The following PHRF1 variants were observed in gnomAD, a reference collection of about 807,000 sequenced individuals.
PHRF1 encodes the protein PHD and ring finger domains 1, also known as PHD and RING finger domain-containing protein 1.
PHRF1 carries 53 observed loss-of-function variants against 128.9 expected under a neutral mutation model. The observed-to-expected ratio is 0.41, with a 90% confidence interval of 0.33 to 0.52. The LOEUF (loss-of-function observed/expected upper bound fraction) is 0.52, where lower values mean the gene tolerates loss of function less well. Among genes scored for constraint, PHRF1 ranks in the 20% least tolerant of loss-of-function variants. The probability of loss-of-function intolerance (pLI) is 0.21; values close to 1 mark genes in which losing one functional copy is unlikely to be tolerated. For synonymous variants in PHRF1, 1,178 were observed against 980.6 expected (o/e 1.20, Z -3.76); for missense variants, 2,503 against 2,284.5 (o/e 1.10, Z -1.95).
chr11:603,265 A>C (rs1322420640), intron 10 of PHRF1, among the ~76,000 whole-genome samples: 1 of 152,100 alleles, frequency 6.6e-6, no homozygotes, highest in African/African-American at 2.4e-5. Flanking sequence ...CATGTTGCCC[A>C]GGCTGGTCTT....
In PHRF1 at chr11:607,344, C is replaced by G. The variant is rs768339720; in HGVS notation, c.1888C>G (p.Pro630Ala). ...GCCTGGCTTCAGACAGAGCCACAGC[C>G]CCTGGTTCAACGGCACCAACAAGCA... ...SVPGFRQSHS[P>A]WFNGTNKHTL... The change falls in exon 14 of 18, where the codon CCC (proline) becomes GCC (alanine). Residue 630 changes from proline to alanine, a missense_variant. Pro to Ala is a conservative substitution (Grantham distance 27). Transcript: ENST00000264555. 1 of 1,612,770 alleles carries G rather than the reference C, an allele frequency of 6.2e-7. No homozygotes were observed. The highest frequency in any genetic ancestry group is 1.1e-5 in the South Asian group (1 of 91,090).
intron 1 of PHRF1, among the ~76,000 whole-genome samples, chr11:578,948 C>T (rs1854047251): frequency 6.6e-6 from 1 of 152,076 alleles, no homozygotes; most frequent in African/African-American, 2.4e-5. Context: ...CTGCCAGGTT[C>T]AAGCAATTCT....
chr11:610,639 G>C lies in PHRF1; in HGVS notation c.4555G>C (p.Ala1519Pro). The C allele has an allele frequency of 3.1e-6, 5 of 1,604,926 alleles. No individual in the cohort carries two copies. The highest frequency in any genetic ancestry group is 4.2e-6 in the Non-Finnish European group (5 of 1,179,818). ...GGGCTGTGGGGCAGCACAGACCCTG[G>C]CCCCAGTGCCCGCTGCCCTGACCCC... ...LVGCGAAQTL[A>P]PVPAALTPAS... The change falls in exon 16 of 18, where the codon GCC becomes CCC. Residue 1519 changes from alanine (A) to proline (P), a missense_variant. Ala to Pro is a conservative substitution (Grantham distance 27). Transcript: ENST00000264555.
chr11:609,752 G>T, intron 14 of PHRF1, 32 bp downstream of exon 14: 1 of 1,383,386 alleles, frequency 7.2e-7, no homozygotes, highest in Non-Finnish European at 9.5e-7. Flanking sequence ...ACCGAGGACA[G>T]AGCCCCCAGT....
At chr11:601,222 A>G (rs939281730) in intron 9 of PHRF1, among the ~76,000 whole-genome samples, 1 of 152,110 alleles carries the variant, frequency 6.6e-6, no homozygotes, top group Non-Finnish European at 1.5e-5. Flanking sequence ...AGGCAGGAGG[A>G]TCGCTTGAGC....
chr11:587,462 A>G lies in PHRF1; in HGVS notation c.418A>G (p.Lys140Glu). 1 of 1,612,984 alleles carries G rather than the reference A, an allele frequency of 6.2e-7. No homozygotes were observed. Among genetic ancestry groups the G allele is most frequent in the South Asian group, 1.1e-5 (1 of 91,046 alleles). Reference protein sequence around the residue: ...FCLDCIVEWSKNANSCPVDRT... With the variant: ...FCLDCIVEWSENANSCPVDRT... ...CCTGGACTGCATTGTCGAATGGTCC[A>G]AGGTGAGTTCACCTCTGGTTGGGTG... The change falls in exon 4 of 18, where the codon AAG becomes GAG. Residue 140 changes from lysine (K) to glutamate (E), a missense_variant and splice_region_variant. Physicochemically the swap from Lys to Glu is moderately conservative, Grantham distance 56. Transcript: ENST00000264555.
Position 607,065 on chromosome 11 carries a change from G to T in PHRF1, c.1610-1G>T, listed in dbSNP as rs1251923204. 1 of 1,548,882 alleles carries T rather than the reference G, an allele frequency of 6.5e-7. No individual in the cohort carries two copies. The highest frequency in any genetic ancestry group is 2.2e-5 in the Admixed American group (1 of 46,312). ...TTGCCATTGACTTTTTTGTTTTTTA[G>T]CTCCAGTTTCTTTTCAGCGAAACTC... On this transcript the variant is annotated splice_acceptor_variant, in intron 13 of 17. Coordinates refer to ENST00000264555, the MANE Select transcript of PHRF1 (RefSeq NM_001286581.2). LOFTEE classifies it high-confidence loss of function.
intron 6 of PHRF1, 126 bp from the exon 7 acceptor site, chr11:596,797 G>T: frequency 1.3e-6 from 1 of 742,268 alleles, no homozygotes. Flanking sequence ...ATGTGGGTCA[G>T]CCCATAACAG....
chr11:587,161 G>A lies in PHRF1; in HGVS notation c.215-98G>A, dbSNP rs117611145. Reference sequence around the variant, plus strand: ...GCGGGGAGGTGGGCTGTGCATTGCCGACCTGGTGTCCTGAGCGCAGCCTGG... The same window carrying A: ...GCGGGGAGGTGGGCTGTGCATTGCCAACCTGGTGTCCTGAGCGCAGCCTGG... On this transcript the variant is annotated intron_variant, in intron 3 of 17. Coordinates refer to ENST00000264555, the MANE Select transcript of PHRF1 (RefSeq NM_001286581.2). 8.5e-3 allele frequency: 10,004 copies of A among 1,181,156 alleles called. 105 individuals are homozygous for A. Among genetic ancestry groups the A allele is most frequent in the Non-Finnish European group, 7.8e-3 (6,384 of 821,926 alleles). The allele number at this position is 1,181,156 out of a possible 1,614,324, so 73.2% of individuals were successfully genotyped here.
At chr11:600,027 C>A (rs556975881) in intron 9 of PHRF1, among the ~76,000 whole-genome samples, 2 of 151,988 alleles carry the variant, frequency 1.3e-5, no homozygotes, top group Non-Finnish European at 2.9e-5. Flanking sequence ...TTGTTTTAAT[C>A]TTTATGTCAC....
At chr11:606,986 C>G in intron 13 of PHRF1, 80 bp from the exon 14 acceptor site, 1 of 1,510,976 alleles carries the variant, frequency 6.6e-7, no homozygotes, top group South Asian at 1.3e-5. Flanking sequence ...CACAGAAAAC[C>G]AGTTGTGATA....
chr11:611,825 G>T lies in PHRF1; in HGVS notation c.*48G>T, dbSNP rs765706064. The T allele has an allele frequency of 5.2e-6, 8 of 1,545,554 alleles. No homozygotes were observed. In the African/African-American group the frequency reaches 1.1e-4, roughly 21 times the overall value. On this transcript the variant is annotated 3_prime_UTR_variant, in exon 18 of 18. Coordinates refer to ENST00000264555, the MANE Select transcript of PHRF1 (RefSeq NM_001286581.2). ...CCCGGGGAGCTGTCGGGAGTGGCGG[G>T]AATCGGGGCCATGCCCGGGGAGCTG...
rs576127311 is a variant in PHRF1, at chr11:611,921, A to T, written c.*144A>T. Reference sequence around the variant, plus strand: ...GTGGCGGGAAATGGGGGGCATCACCATGCCTGCCGTCGGGTTCCTGCGCTG... The same window carrying T: ...GTGGCGGGAAATGGGGGGCATCACCTTGCCTGCCGTCGGGTTCCTGCGCTG... On this transcript the variant is annotated 3_prime_UTR_variant, in exon 18 of 18. Transcript: ENST00000264555. The T allele has an allele frequency of 7.4e-7, 1 of 1,344,936 alleles. No individual in the cohort carries two copies. The highest frequency in any genetic ancestry group is 2.7e-4 in the Middle Eastern group (1 of 3,770). The allele number at this position is 1,344,936 out of a possible 1,614,324, so 83.3% of individuals were successfully genotyped here. A position where few individuals can be genotyped will look rare whatever the true frequency, so the allele number is the denominator to read the frequency against.
In PHRF1 at chr11:610,235, C is replaced by T. The variant is rs770253426; in HGVS notation, c.4304C>T (p.Ala1435Val). ...LHRPQKPREG[A>V]WDMEDVAPTG... ...AGGCCACAGAAGCCCCGAGAAGGAG[C>T]CTGGGACATGGAGGATGTGGCCCCC... is the stretch of plus-strand genomic sequence containing the variant. The change falls in exon 15 of 18, where the codon GCC (alanine) becomes GTC (valine). Residue 1435 changes from alanine (A) to valine (V), a missense_variant. Ala to Val is a moderately conservative substitution (Grantham distance 64, BLOSUM62 0). Transcript: ENST00000264555. 6.5e-7 allele frequency: 1 copy of T among 1,550,192 alleles called. No individual in the cohort carries two copies. Among genetic ancestry groups the T allele is most frequent in the East Asian group, 2.4e-5 (1 of 41,078 alleles).
Position 607,612 on chromosome 11 carries a change from G to T in PHRF1, c.2156G>T (p.Gly719Val). The change falls in exon 14 of 18, where the codon GGC becomes GTC. Residue 719 changes from glycine to valine, a missense_variant. Transcript: ENST00000264555. ...ATCAGCCGACTGACTGGCAGGGAGG[G>T]CACCGGGCAGCCAGGGCGAGGCACA... ...ACISRLTGRE[G>V]TGQPGRGTRA... 6.2e-7 allele frequency: 1 copy of T among 1,612,276 alleles called. No homozygotes were observed. The highest frequency in any genetic ancestry group is 8.5e-7 in the Non-Finnish European group (1 of 1,179,794).
At chr11:596,082 A>C (rs1040684821) in intron 6 of PHRF1, among the ~76,000 whole-genome samples, 2 of 152,212 alleles carry the variant, frequency 1.3e-5, no homozygotes, top group African/African-American at 4.8e-5. Context: ...ATCCTAGAAC[A>C]GTTCAGCCCG....
Position 597,505 on chromosome 11 carries a change from C to G in PHRF1, c.829C>G (p.Arg277Gly). 1 of 1,612,526 alleles carries G rather than the reference C, an allele frequency of 6.2e-7. No individual in the cohort carries two copies. Among genetic ancestry groups the G allele is most frequent in the Non-Finnish European group, 8.5e-7 (1 of 1,179,530 alleles). ...AGRTRAIART[R>G]QSERVRATVN... is the part of the protein sequence containing the mutation. ...TAGGACCCGGGCGATAGCCAGGACA[C>G]GGCAGAGTGAGAGAGTGAGAGCAAC... Residue 277 changes from arginine to glycine, a missense_variant, in exon 8 of 18, where the codon CGG becomes GGG. Arg to Gly is a moderately radical substitution (Grantham distance 125). Coordinates refer to ENST00000264555, the MANE Select transcript of PHRF1 (RefSeq NM_001286581.2). This position sits in a 1 kb window ranked among gnomAD's most constrained non-coding sequence, Gnocchi z 6.5.
In PHRF1 at chr11:591,424, G is replaced by T; in HGVS notation, c.461G>T (p.Cys154Phe). ...SCPVDRTLFK[C>F]ICIRAQFGGK... ...CCAGTTGATCGAACTCTATTTAAGT[G>T]CATTTGTATTCGAGCTCAATTTGGT... Residue 154 changes from cysteine to phenylalanine, a missense_variant, in exon 5 of 18, where the codon TGC becomes TTC. By Grantham distance (205) the Cys-to-Phe change is radical (BLOSUM62 -2). Transcript: ENST00000264555. The T allele has an allele frequency of 6.2e-7, 1 of 1,609,554 alleles. No homozygotes were observed. Among genetic ancestry groups the T allele is most frequent in the Non-Finnish European group, 8.5e-7 (1 of 1,178,202 alleles).
intron 6 of PHRF1, among the ~76,000 whole-genome samples, chr11:596,472 G>A (rs976569152): frequency 2.6e-5 from 4 of 152,208 alleles, no homozygotes; most frequent in Admixed American, 6.5e-5. Context: ...CCTACCGCAG[G>A]AGCTCAGTGT....
Sources: allele counts gnomAD v4.1 joint callset (sites outside exome capture counted in the v4.1 genomes callset), GRCh38; gene constraint gnomAD v4.1.1; non-coding constraint Gnocchi (gnomAD v3.1); transcripts MANE v1.5; gene names NCBI Gene and HGNC (gene_info 2026-07-23, HGNC 2026-07-21).